NOM1: variants seen among roughly 807,000 people sequenced by gnomAD.
NOM1 encodes the protein nucleolar MIF4G domain-containing protein 1.
Under a neutral mutation model 73.3 loss-of-function variants are expected in NOM1, and 58 were observed. That is an observed-to-expected ratio of 0.79 (90% CI 0.64 to 0.99). The LOEUF is 0.99. Ranked by LOEUF, NOM1 falls within the 50% of genes least tolerant of loss-of-function variation. The probability of loss-of-function intolerance (pLI) is 0.00; values close to 1 mark genes in which losing one functional copy is unlikely to be tolerated. For synonymous variants in NOM1, 487 were observed against 446.8 expected (o/e 1.09, Z -1.14); for missense variants, 1,226 against 1,131.9 (o/e 1.08, Z -1.19).
chr7:156,952,622 T>C, intron 2 of NOM1, 24 bp downstream of exon 2: 1 of 1,604,804 alleles, frequency 6.2e-7, no homozygotes, highest in Non-Finnish European at 8.5e-7. Flanking sequence ...GTTGTTACAC[T>C]GTGTCACTTA....
rs1804548413 is a variant in NOM1 at position 156,950,218 on chromosome 7, A to G, written c.481A>G (p.Arg161Gly). 3 of 1,611,676 alleles carry G rather than the reference A, an allele frequency of 1.9e-6. No homozygotes were observed. Among genetic ancestry groups the G allele is most frequent in the African/African-American group, 2.7e-5 (2 of 74,946 alleles). ...AKATAATAKT[R>G]PSAAATAAAR... ...GGCCACGGCCGCCACCGCAAAGACC[A>G]GACCCTCCGCAGCCGCCACCGCCGC... is the stretch of plus-strand genomic sequence containing the variant. Residue 161 changes from arginine (R) to glycine (G), a missense_variant, in exon 1 of 11, where the codon AGA becomes GGA. Transcript: ENST00000275820.
intron 6 of NOM1, 87 bp downstream of exon 6, chr7:156,963,262 A>T (rs759006741): frequency 7.1e-7 from 1 of 1,412,748 alleles, no homozygotes; most frequent in Non-Finnish European, 9.9e-7. Flanking sequence ...CAGCTCTCTT[A>T]CTGTTCTTGA....
Position 156,954,262 on chromosome 7 carries a change from C to T in NOM1, c.1272C>T (p.Leu424=). 2 of 1,607,108 alleles carry T rather than the reference C, an allele frequency of 1.2e-6. No homozygotes were observed. The highest frequency in any genetic ancestry group is 1.7e-6 in the Non-Finnish European group (2 of 1,177,442). Residue 424 remains leucine (L), a synonymous_variant, in exon 3 of 11, where the codon CTC becomes CTT. Coordinates refer to ENST00000275820, the MANE Select transcript of NOM1 (RefSeq NM_138400.2). ...GCAGACTGATGATGGAGCATGTTCT[C>T]TTAGTCAGCATCCTTCACCACACAG... The part of the protein sequence containing the change: ...MPSRLMMEHV[L]LVSILHHTVG...
At chr7:156,952,688 TGATGGGGACA>T (rs1269906382) in intron 2 of NOM1, 90 bp downstream of exon 2, 4 of 1,385,866 alleles carry the variant, frequency 2.9e-6, no homozygotes, top group Non-Finnish European at 4.0e-6. Context: ...CAAATAGAAG[TGATGGGGACA>T]GTCGATTGGA....
chr7:156,959,719 C>A, intron 3 of NOM1, 132 bp from the exon 4 acceptor site: 1 of 863,224 alleles, frequency 1.2e-6, no homozygotes, highest in South Asian at 1.6e-5. Context: ...CTCTGGGTTG[C>A]CGAGGGATGC....
chr7:156,964,995 G>C (rs1804959371), intron 7 of NOM1, among the ~76,000 whole-genome samples: 1 of 152,204 alleles, frequency 6.6e-6, no homozygotes, highest in Admixed American at 6.5e-5. Flanking sequence ...TTAAACAATA[G>C]TTTTTCCCAT....
Position 156,970,344 on chromosome 7 carries a change from A to T in NOM1, c.*641A>T, listed in dbSNP as rs1472624209. 1.3e-5 allele frequency: 2 copies of T among 152,122 alleles called. No homozygotes were observed. The highest frequency in any genetic ancestry group is 2.9e-5 in the Non-Finnish European group (2 of 68,020). 9.4% of individuals were successfully genotyped at this position (152,122 alleles called of 1,614,324 possible). A position where few individuals can be genotyped will look rare whatever the true frequency, so the allele number is the denominator to read the frequency against. On this transcript the variant is annotated 3_prime_UTR_variant, in exon 11 of 11. Coordinates refer to ENST00000275820, the MANE Select transcript of NOM1 (RefSeq NM_138400.2). ...ACAGGCCACTAGAGGGTGCAGTTAT[A>T]AAGAAATTGATGAGGTTTTTACCTT...
Position 156,971,126 on chromosome 7 carries a change from A to G in NOM1, c.*1423A>G, listed in dbSNP as rs1477467475. The G allele has an allele frequency of 6.6e-6, 1 of 152,208 alleles. No individual in the cohort carries two copies. The highest frequency in any genetic ancestry group is 6.5e-5 in the Admixed American group (1 of 15,286). 9.4% of individuals were successfully genotyped at this position (152,208 alleles called of 1,614,324 possible). A position where few individuals can be genotyped will look rare whatever the true frequency, so the allele number is the denominator to read the frequency against. On this transcript the variant is annotated 3_prime_UTR_variant, in exon 11 of 11. Transcript: ENST00000275820. The stretch of plus-strand genomic sequence containing the variant: ...TAACAGCATGTATTGCAGATACCCA[A>G]ATGTTTATTGTTTTCTCAGCCCTTC...
chr7:156,950,402 C>T lies in NOM1; in HGVS notation c.665C>T (p.Ala222Val), dbSNP rs1212298290. ...ARDGLDYILG[A>V]LESGKNSGLY... ...GACGGTCTTGACTATATTCTGGGAG[C>T]CCTGGAGTCTGGGAAAAATAGCGGC... Residue 222 changes from alanine (A) to valine (V), a missense_variant, in exon 1 of 11, where the codon GCC becomes GTC. By Grantham distance (64) the Ala-to-Val change is moderately conservative (BLOSUM62 0). Coordinates refer to ENST00000275820, the MANE Select transcript of NOM1 (RefSeq NM_138400.2). 2.5e-6 allele frequency: 4 copies of T among 1,614,172 alleles called. No homozygotes were observed. The highest frequency in any genetic ancestry group is 3.3e-5 in the Admixed American group (2 of 60,010).
chr7:156,959,073 C>A (rs529259226), intron 3 of NOM1, among the ~76,000 whole-genome samples: 4 of 151,042 alleles, frequency 2.6e-5, no homozygotes, highest in South Asian at 2.1e-4. Context: ...GCAAAAAAAT[C>A]TTTTAAGAAA....
At chr7:156,953,542 T>A (rs1804646334) in intron 2 of NOM1, among the ~76,000 whole-genome samples, 2 of 145,636 alleles carry the variant, frequency 1.4e-5, no homozygotes, top group African/African-American at 5.2e-5. Context: ...CCCTTCCCCC[T>A]TGTATTGCTT....
Position 156,952,558 on chromosome 7 carries a change from C to T in NOM1, c.1072C>T (p.Leu358=). The change falls in exon 2 of 11, where the codon CTA becomes TTA. Residue 358 remains leucine, a synonymous_variant. Coordinates refer to ENST00000275820, the MANE Select transcript of NOM1 (RefSeq NM_138400.2). ...ETVDFKKKEE[L]ERLKKHVKGL... The stretch of plus-strand genomic sequence containing the variant: ...AGTGGACTTCAAGAAAAAGGAAGAA[C>T]TAGAAAGGCTGAAGAAACATGTAAA... 6.2e-7 allele frequency: 1 copy of T among 1,614,050 alleles called. No homozygotes were observed. Among genetic ancestry groups the T allele is most frequent in the South Asian group, 1.1e-5 (1 of 91,072 alleles).
chr7:156,969,922 G>GCCCCC lies in NOM1; in HGVS notation c.*219_*220insCCCCC. 1.0e-5 allele frequency: 3 copies of GCCCCC among 287,226 alleles called. No homozygotes were observed. Among genetic ancestry groups the GCCCCC allele is most frequent in the East Asian group, 7.6e-5 (1 of 13,176 alleles). 17.8% of individuals were successfully genotyped at this position (287,226 alleles called of 1,614,324 possible). ...GGGGGTGAGAGGAGAAGGAGGGAGG[G>GCCCCC]AAAAGGGGTCAGGCACACTGGACAG... On this transcript the variant is annotated 3_prime_UTR_variant, in exon 11 of 11. Coordinates refer to ENST00000275820, the MANE Select transcript of NOM1 (RefSeq NM_138400.2).
At position 156,950,571 on chromosome 7, in the gene NOM1, G is replaced by T. The variant is rs1408415016; in HGVS notation, c.834G>T (p.Ala278=). Reference sequence around the variant, plus strand: ...AAAAGAAGGCGCAGGAAGCAGAAGCGCAGAGCGAGGACGACGACGAGGATA... The same window carrying T: ...AAAAGAAGGCGCAGGAAGCAGAAGCTCAGAGCGAGGACGACGACGAGGATA... ...EKEKKAQEAE[A]QSEDDDEDTE... is the part of the protein sequence containing the mutation. The change falls in exon 1 of 11, where the codon GCG becomes GCT. Residue 278 remains alanine, a synonymous_variant. Transcript: ENST00000275820. The T allele has an allele frequency of 6.2e-7, 1 of 1,604,136 alleles. No individual in the cohort carries two copies. Among genetic ancestry groups the T allele is most frequent in the Non-Finnish European group, 8.5e-7 (1 of 1,174,768 alleles).
intron 9 of NOM1, 112 bp downstream of exon 9, chr7:156,967,204 T>C (rs1805019692): frequency 1.6e-6 from 2 of 1,276,124 alleles, no homozygotes; most frequent in African/African-American, 3.0e-5. Flanking sequence ...TTCTGATTCA[T>C]CTGAAAAGTG....
chr7:156,969,406 T>G, intron 10 of NOM1, 123 bp from the exon 11 acceptor site: 1 of 876,748 alleles, frequency 1.1e-6, no homozygotes, highest in South Asian at 1.8e-5. Context: ...TGTTAAGAAG[T>G]TCTTAATTGA....
intron 3 of NOM1, among the ~76,000 whole-genome samples, chr7:156,957,726 G>A (rs1441283547): frequency 1.1e-5 from 1 of 88,712 alleles, no homozygotes; most frequent in East Asian, 2.8e-4. Flanking sequence ...AGTGAGCCGA[G>A]ATCGCACCAC....
At chr7:156,956,008 G>A (rs983118568) in intron 3 of NOM1, among the ~76,000 whole-genome samples, 6 of 152,036 alleles carry the variant, frequency 3.9e-5, no homozygotes, top group African/African-American at 1.4e-4. Context: ...GGCCAAAAAG[G>A]TGAAACCCCG....
rs773314013 is a variant in NOM1 at position 156,960,189 on chromosome 7, C to G, written c.1632+15C>G. The G allele has an allele frequency of 6.3e-7, 1 of 1,594,282 alleles. No individual in the cohort carries two copies. The highest frequency in any genetic ancestry group is 8.5e-7 in the Non-Finnish European group (1 of 1,173,030). On this transcript the variant is annotated intron_variant, in intron 4 of 10. Coordinates refer to ENST00000275820, the MANE Select transcript of NOM1 (RefSeq NM_138400.2). Reference sequence around the variant, plus strand: ...ACCAGACCAGGGTACGCGTGCGACGCTTGATCTGCTTCCTAAGTCCCTAAA... The same window carrying G: ...ACCAGACCAGGGTACGCGTGCGACGGTTGATCTGCTTCCTAAGTCCCTAAA...
Sources: allele counts gnomAD v4.1 joint callset (sites outside exome capture counted in the v4.1 genomes callset), GRCh38; gene constraint gnomAD v4.1.1; transcripts MANE v1.5; gene names NCBI Gene and HGNC (gene_info 2026-07-23, HGNC 2026-07-21).